Variants in FUT9 observed in about 807,000 individuals in gnomAD.
The protein encoded by FUT9 is 4-galactosyl-N-acetylglucosaminide 3-alpha-L-fucosyltransferase 9.
Under a neutral mutation model 29.7 loss-of-function variants are expected in FUT9, and 15 were observed. That is an observed-to-expected ratio of 0.51 (90% CI 0.34 to 0.78). FUT9 has a LOEUF of 0.78. Among genes scored for constraint, FUT9 ranks in the 30% least tolerant of loss-of-function variants. FUT9 has a pLI of 0.01. For synonymous variants in FUT9, 169 were observed against 153.7 expected (o/e 1.10, Z -0.74); for missense variants, 319 against 425.4 (o/e 0.75, Z 2.20).
chr6:96,069,338 G>T lies in FUT9; in HGVS notation c.-97-44701G>T, dbSNP rs1267272133. ...TCCATCTCAAAAAAAAAAAAGTAAAGACAAGAAAAGAATCATCTTACCAAG... is the reference window on the plus strand; with the variant it reads ...TCCATCTCAAAAAAAAAAAAGTAAATACAAGAAAAGAATCATCTTACCAAG... On this transcript the variant is annotated intron_variant, in intron 1 of 2. Transcript: ENST00000302103. Among the ~76,000 whole-genome samples, 8 of 149,722 alleles carry T rather than the reference G, an allele frequency of 5.3e-5. No homozygotes were observed. The South Asian group carries it at 1.1e-3, about 20-fold the overall frequency.
chr6:96,186,230 C>G (rs918119908), intron 2 of FUT9, among the ~76,000 whole-genome samples: 3 of 151,888 alleles, frequency 2.0e-5, no homozygotes, highest in African/African-American at 2.4e-5. Flanking sequence ...TCAGTTCTTA[C>G]TAGTTTGTTC....
intron 2 of FUT9, among the ~76,000 whole-genome samples, chr6:96,178,595 T>C (rs1006022425): frequency 1.3e-5 from 2 of 152,172 alleles, no homozygotes; most frequent in African/African-American, 2.4e-5. Context: ...AACATAAGAC[T>C]TGAAATTGTT....
intron 2 of FUT9, among the ~76,000 whole-genome samples, chr6:96,175,504 AC>A (rs1773187576): frequency 6.6e-6 from 1 of 152,228 alleles, no homozygotes; most frequent in East Asian, 1.9e-4. Context: ...CAAATATTAT[AC>A]CTATTCGGTG....
chr6:96,103,884 C>T (rs4278024), intron 1 of FUT9, among the ~76,000 whole-genome samples: 21,084 of 152,114 alleles, frequency 0.14, 1,681 homozygotes, highest in Non-Finnish European at 0.17. Flanking sequence ...GTGGATCCAT[C>T]TTAACTTGAT....
intron 1 of FUT9, among the ~76,000 whole-genome samples, chr6:96,087,362 A>T (rs950294895): frequency 1.0e-5 from 1 of 96,654 alleles, no homozygotes; most frequent in African/African-American, 3.6e-5. Context: ...TTCCCCACAA[A>T]TTTTTTTTTT....
At chr6:96,129,220 A>C (rs1027314376) in intron 2 of FUT9, among the ~76,000 whole-genome samples, 5 of 146,826 alleles carry the variant, frequency 3.4e-5, no homozygotes, top group East Asian at 2.0e-4. Context: ...AGCCGAGATC[A>C]CGCCACTGCA....
chr6:96,183,981 T>C (rs1005844600), intron 2 of FUT9, among the ~76,000 whole-genome samples: 5 of 152,136 alleles, frequency 3.3e-5, no homozygotes, highest in African/African-American at 1.2e-4. Flanking sequence ...GAGGATTCCC[T>C]CTTTCTCTAT....
intron 1 of FUT9, among the ~76,000 whole-genome samples, chr6:96,092,761 C>T (rs531351028): frequency 3.8e-4 from 58 of 152,130 alleles, no homozygotes; most frequent in South Asian, 1.5e-3. Context: ...TATAACATTT[C>T]ATACCATTCT....
rs577282895 is a variant in FUT9 at position 96,069,872 on chromosome 6, T to C, written c.-97-44167T>C. Among the ~76,000 whole-genome samples the C allele has an allele frequency of 2.4e-3, 368 of 151,952 alleles. 1 individual carries two copies. The highest frequency in any genetic ancestry group is 8.7e-3 in the African/African-American group (360 of 41,450). On this transcript the variant is annotated intron_variant, in intron 1 of 2. Coordinates refer to ENST00000302103, the MANE Select transcript of FUT9 (RefSeq NM_006581.4). ...GGTCTCAATATCTGGACCTCGTAAC[T>C]TACCCTCCTCGGCCTCTCAAAGTGC...
intron 1 of FUT9, among the ~76,000 whole-genome samples, chr6:96,077,310 G>C (rs1342071128): frequency 6.6e-6 from 1 of 151,880 alleles, no homozygotes; most frequent in East Asian, 1.9e-4. Context: ...TATATTATTA[G>C]GATTGTGTAG....
chr6:96,112,188 C>A (rs1272394993), intron 1 of FUT9, among the ~76,000 whole-genome samples: 1 of 152,068 alleles, frequency 6.6e-6, no homozygotes, highest in Non-Finnish European at 1.5e-5. Context: ...CCAATACCTC[C>A]CAGCTTCTTA....
Position 96,215,321 on chromosome 6 carries a change from TA to T in FUT9, c.*11087del, listed in dbSNP as rs1774017408. On this transcript the variant is annotated 3_prime_UTR_variant, in exon 3 of 3. Coordinates refer to ENST00000302103, the MANE Select transcript of FUT9 (RefSeq NM_006581.4). ...CTTCTCATGGATGTCTTTCTAGGCT[TA>T]TAAATATATGGTGTGATTGCTATAA... is the stretch of plus-strand genomic sequence containing the variant. 1 of 167,014 alleles carries T rather than the reference TA, an allele frequency of 6.0e-6. No homozygotes were observed. Among genetic ancestry groups the T allele is most frequent in the South Asian group, 2.1e-4 (1 of 4,836 alleles). The allele number at this position is 167,014 out of a possible 1,614,324, so 10.3% of individuals were successfully genotyped here. A position where few individuals can be genotyped will look rare whatever the true frequency, so the allele number is the denominator to read the frequency against.
chr6:96,116,518 G>A (rs1369314009), intron 2 of FUT9, among the ~76,000 whole-genome samples: 1 of 152,158 alleles, frequency 6.6e-6, no homozygotes, highest in Non-Finnish European at 1.5e-5. Flanking sequence ...TTGCCAAAAT[G>A]TGGAAATAAC....
chr6:96,183,708 C>G (rs1311062689), intron 2 of FUT9, among the ~76,000 whole-genome samples: 3 of 151,750 alleles, frequency 2.0e-5, no homozygotes, highest in Non-Finnish European at 4.4e-5. Flanking sequence ...GATCATGTGA[C>G]TTTTGTTTTT....
At chr6:96,178,168 A>C (rs1773240125) in intron 2 of FUT9, among the ~76,000 whole-genome samples, 1 of 152,198 alleles carries the variant, frequency 6.6e-6, no homozygotes, top group African/African-American at 2.4e-5. Flanking sequence ...GATGTGTACC[A>C]GGATGGCCAA....
chr6:96,039,982 G>T (rs1245207991), intron 1 of FUT9, among the ~76,000 whole-genome samples: 2 of 150,302 alleles, frequency 1.3e-5, no homozygotes. Context: ...TCTCTTTCTT[G>T]CTTGCTTTTT....
At chr6:96,038,376 G>C (rs1398170752) in intron 1 of FUT9, among the ~76,000 whole-genome samples, 1 of 152,066 alleles carries the variant, frequency 6.6e-6, no homozygotes, top group Non-Finnish European at 1.5e-5. Context: ...CAGAACATCT[G>C]GCTAACCAAA....
intron 1 of FUT9, among the ~76,000 whole-genome samples, chr6:96,078,405 C>CTT (rs1771175462): frequency 4.4e-5 from 2 of 45,194 alleles, no homozygotes; most frequent in African/African-American, 7.6e-5. Context: ...TCATATTAGT[C>CTT]TTCTTTTTTT....
intron 1 of FUT9, among the ~76,000 whole-genome samples, chr6:96,068,895 G>A (rs1394250742): frequency 6.6e-6 from 1 of 152,096 alleles, no homozygotes; most frequent in East Asian, 1.9e-4. Flanking sequence ...GTAAAATTGT[G>A]AAGTCAGATA....
Sources: gnomAD v4.1 joint callset for allele counts (sites outside exome capture counted in the v4.1 genomes callset) on GRCh38, gnomAD v4.1.1 for gene constraint, MANE v1.5 for transcripts, NCBI Gene and HGNC (gene_info 2026-07-23, HGNC 2026-07-21) for gene names.